The following ZNF155 variants were observed in gnomAD, a reference collection of about 807,000 sequenced individuals.
The protein encoded by ZNF155 is KRAB A domain.
Under a neutral mutation model 11.9 loss-of-function variants are expected in ZNF155, and 15 were observed. The observed-to-expected ratio is 1.26, with a 90% CI of 0.84 to 1.94. The LOEUF is 1.94. Ranked by LOEUF, ZNF155 falls within the 30% of genes most tolerant of loss-of-function variation. The pLI is 0.00. For synonymous variants in ZNF155, 212 were observed against 219.9 expected, an observed-to-expected ratio of 0.96 and a Z score of 0.32; for missense variants, 602 against 639.1, an observed-to-expected ratio of 0.94 and a Z score of 0.63.
At chr19:43,991,746 TTGAG>T in intron 3 of ZNF155, 72 bp downstream of exon 3, 1 of 1,607,884 alleles carries the variant, frequency 6.2e-7, no homozygotes. Flanking sequence ...GTGTTCAAGT[TTGAG>T]TGTGCATTGG....
chr19:43,985,494 C>T (rs558437533), intron 1 of ZNF155, among the ~76,000 whole-genome samples: 9 of 151,456 alleles, frequency 5.9e-5, no homozygotes, highest in Admixed American at 5.9e-4. Flanking sequence ...AATACATTTA[C>T]GCCACACCAT....
At chr19:43,985,064 A>G (rs1055118601) in intron 1 of ZNF155, among the ~76,000 whole-genome samples, 19 of 151,938 alleles carry the variant, frequency 1.3e-4, no homozygotes, top group South Asian at 8.3e-4. Context: ...TGTTTTTATT[A>G]TTGTTATTAT....
chr19:43,991,775 A>G, intron 3 of ZNF155, 67 bp from the exon 4 acceptor site: 1 of 1,605,464 alleles, frequency 6.2e-7, no homozygotes, highest in South Asian at 1.1e-5. Flanking sequence ...CTAAATAGCC[A>G]GTAAATTTTG....
At position 43,997,533 on chromosome 19, in the gene ZNF155, A is replaced by G; in HGVS notation, c.*59A>G. On this transcript the variant is annotated 3_prime_UTR_variant, in exon 5 of 5. Transcript: ENST00000270014. ...TAATGTGTGCATACAATTTATAGTG[A>G]TCCAATCAGTGTAATTGGTGTATCT... is the stretch of plus-strand genomic sequence containing the variant. 1 of 1,342,764 alleles carries G rather than the reference A, an allele frequency of 7.4e-7. No individual in the cohort carries two copies. Among genetic ancestry groups the G allele is most frequent in the South Asian group, 1.4e-5 (1 of 69,690 alleles). The allele number at this position is 1,342,764 out of a possible 1,614,324, so 83.2% of individuals were successfully genotyped here.
At chr19:43,993,652 G>C (rs1201185484) in intron 4 of ZNF155, among the ~76,000 whole-genome samples, 1 of 152,152 alleles carries the variant, frequency 6.6e-6, no homozygotes, top group African/African-American at 2.4e-5. Flanking sequence ...GACCTCAGGT[G>C]ATCCACCCGC....
rs1452265511 is a variant in ZNF155, at chr19:43,996,740, A to G, written c.883A>G (p.Lys295Glu). 2 of 1,614,198 alleles carry G rather than the reference A, an allele frequency of 1.2e-6. No individual in the cohort carries two copies. Among genetic ancestry groups the G allele is most frequent in the Non-Finnish European group, 1.7e-6 (2 of 1,180,010 alleles). ...ACCATTCAAATGTGATATATGTGGT[A>G]AGACCTTCTATTTTAGGTCAAGACT... ...EKPFKCDICG[K>E]TFYFRSRLKS... Residue 295 changes from lysine to glutamate, a missense_variant, in exon 5 of 5, where the codon AAG (lysine) becomes GAG (glutamate). Coordinates refer to ENST00000270014, the MANE Select transcript of ZNF155 (RefSeq NM_198089.3).
At chr19:43,990,655 C>T (rs1975625755) in intron 2 of ZNF155, among the ~76,000 whole-genome samples, 1 of 152,196 alleles carries the variant, frequency 6.6e-6, no homozygotes, top group African/African-American at 2.4e-5. Flanking sequence ...GAGTAGAGGA[C>T]ACACTACATA....
chr19:43,997,238 T>C lies in ZNF155; in HGVS notation c.1381T>C (p.Cys461Arg), dbSNP rs148988125. Residue 461 changes from cysteine to arginine, a missense_variant, in exon 5 of 5, where the codon TGT becomes CGT. Cys to Arg is a radical substitution (Grantham distance 180, BLOSUM62 -3). Coordinates refer to ENST00000270014, the MANE Select transcript of ZNF155 (RefSeq NM_198089.3). The stretch of plus-strand genomic sequence containing the variant: ...AGAGAGACCTTATAATTGTAAGGAA[T>C]GTGGGAAGAACTTTAGCCGGGCCTC... ...TGERPYNCKE[C>R]GKNFSRASSI... The C allele has an allele frequency of 1.9e-6, 3 of 1,614,126 alleles. No individual in the cohort carries two copies. The highest frequency in any genetic ancestry group is 1.3e-5 in the African/African-American group (1 of 75,022).
rs1975891887 is a variant in ZNF155, at chr19:43,996,829, CT to C, written c.975del (p.His326IlefsTer32). The C allele has an allele frequency of 1.2e-6, 2 of 1,613,980 alleles. No homozygotes were observed. The highest frequency in any genetic ancestry group is 1.3e-5 in the African/African-American group (1 of 74,974). Reference protein sequence around the residue: ...PFRCDTCDKSFHQRSALNRHC... With the variant: ...PFRCDTCDKSXHQRSALNRHC... ...TTAGGTGTGATACATGTGATAAGAG[CT>C]TTCATCAGAGATCAGCACTTAATAG... On this transcript the variant is annotated frameshift_variant, in exon 5 of 5. Transcript: ENST00000270014. LOFTEE classifies it low-confidence loss of function (END_TRUNC).
In ZNF155 at chr19:43,997,698, C is replaced by A. The variant is rs1457092263; in HGVS notation, c.*224C>A. ...TCTCATCCCCACATAACACAAAAAG[C>A]AGCCTGGGGAAGACAATCAAGCTAC... On this transcript the variant is annotated 3_prime_UTR_variant, in exon 5 of 5. Coordinates refer to ENST00000270014, the MANE Select transcript of ZNF155 (RefSeq NM_198089.3). 2.1e-5 allele frequency: 10 copies of A among 474,456 alleles called. No homozygotes were observed. Among genetic ancestry groups the A allele is most frequent in the Non-Finnish European group, 3.3e-5 (9 of 270,810 alleles). 29.4% of individuals were successfully genotyped at this position (474,456 alleles called of 1,614,324 possible).
chr19:43,992,169 C>G lies in ZNF155; in HGVS notation c.235+235C>G, dbSNP rs1271819574. ...TTCCTCTCCTCAAAAGCTTTTATAA[C>G]TTCTTATTTTTATTGATGTTACAAC... is the stretch of plus-strand genomic sequence containing the variant. On this transcript the variant is annotated intron_variant, in intron 4 of 4. Coordinates refer to ENST00000270014, the MANE Select transcript of ZNF155 (RefSeq NM_198089.3). 5.9e-5 allele frequency among the ~76,000 whole-genome samples: 9 copies of G among 152,274 alleles called. No individual in the cohort carries two copies. In the East Asian group the frequency reaches 1.5e-3, roughly 26 times the overall value.
At position 43,988,843 on chromosome 19, in the gene ZNF155, C is replaced by CT. The variant is rs2147378860; in HGVS notation, c.15+286dup. ...CTCTCAAATTATCTGTTTTTATCTT[C>CT]TCTGCTGTTCGTCATGTACATTTGT... On this transcript the variant is annotated intron_variant, in intron 2 of 4. Transcript: ENST00000270014. 9.6e-6 allele frequency: 3 copies of CT among 312,968 alleles called. No individual in the cohort carries two copies. In the East Asian group the frequency reaches 1.4e-4, roughly 15 times the overall value. The allele number at this position is 312,968 out of a possible 1,614,324, so 19.4% of individuals were successfully genotyped here.
rs555661912 is a variant in ZNF155 at position 43,993,070 on chromosome 19, T to C, written c.235+1136T>C. ...AAAGATTTACCCATCTGCAGCCCAT[T>C]TGCCTTTTCCAAAGTCTATATACAC... On this transcript the variant is annotated intron_variant, in intron 4 of 4. Coordinates refer to ENST00000270014, the MANE Select transcript of ZNF155 (RefSeq NM_198089.3). Among the ~76,000 whole-genome samples, 6 of 152,344 alleles carry C rather than the reference T, an allele frequency of 3.9e-5. No homozygotes were observed. In the South Asian group the frequency reaches 6.2e-4, roughly 16 times the overall value.
Position 43,988,439 on chromosome 19 carries a change from A to G in ZNF155, c.-85-20A>G. On this transcript the variant is annotated intron_variant, in intron 1 of 4. Coordinates refer to ENST00000270014, the MANE Select transcript of ZNF155 (RefSeq NM_198089.3). ...TCATTCATGGGCTAATTCACAACAC[A>G]CATCTCTCTTTTTCTGCAGACTGTG... 7.9e-7 allele frequency: 1 copy of G among 1,261,878 alleles called. No individual in the cohort carries two copies. The highest frequency in any genetic ancestry group is 1.6e-5 in the South Asian group (1 of 64,276). The allele number at this position is 1,261,878 out of a possible 1,614,324, so 78.2% of individuals were successfully genotyped here. A position where few individuals can be genotyped will look rare whatever the true frequency, so the allele number is the denominator to read the frequency against.
chr19:43,996,727 T>A lies in ZNF155; in HGVS notation c.870T>A (p.Cys290Ter). 1 of 1,614,078 alleles carries A rather than the reference T, an allele frequency of 6.2e-7. No homozygotes were observed. The highest frequency in any genetic ancestry group is 8.5e-7 in the Non-Finnish European group (1 of 1,179,996). The change falls in exon 5 of 5, where the codon TGT becomes TGA. Residue 290 changes from cysteine to a stop codon, truncating the protein, a stop_gained. Coordinates refer to ENST00000270014, the MANE Select transcript of ZNF155 (RefSeq NM_198089.3). LOFTEE classifies it low-confidence loss of function (END_TRUNC). ...RIHTGEKPFKCDICGKTFYFR... is the reference protein window; with the variant it reads ...RIHTGEKPFK ...ATACTGGGGAGAAACCATTCAAATG[T>A]GATATATGTGGTAAGACCTTCTATT... is the stretch of plus-strand genomic sequence containing the variant.
chr19:43,998,062 C>G lies in ZNF155; in HGVS notation c.*588C>G. On this transcript the variant is annotated 3_prime_UTR_variant, in exon 5 of 5. Coordinates refer to ENST00000270014, the MANE Select transcript of ZNF155 (RefSeq NM_198089.3). ...AAGCTGAATAGCCCTTAGGAATAAT[C>G]ACTTCAACTCCTGATTGGTCCCGGG... The G allele has an allele frequency of 6.6e-6, 1 of 151,650 alleles. No individual in the cohort carries two copies. The highest frequency in any genetic ancestry group is 1.9e-4 in the East Asian group (1 of 5,160). The allele number at this position is 151,650 out of a possible 1,614,324, so 9.4% of individuals were successfully genotyped here. A position where few individuals can be genotyped will look rare whatever the true frequency, so the allele number is the denominator to read the frequency against.
At chr19:43,985,051 G>A (rs140303686) in intron 1 of ZNF155, among the ~76,000 whole-genome samples, 315 of 152,260 alleles carry the variant, frequency 2.1e-3, no homozygotes, top group African/African-American at 7.1e-3. Context: ...TATTTTGTTA[G>A]TCTGTTTTTA....
At chr19:43,992,195 C>G (rs116905127) in intron 4 of ZNF155, among the ~76,000 whole-genome samples, 1 of 152,270 alleles carries the variant, frequency 6.6e-6, no homozygotes, top group Non-Finnish European at 1.5e-5. Flanking sequence ...ATGTTACAAC[C>G]TCTTTAAGTG....
At position 43,996,201 on chromosome 19, in the gene ZNF155, A is replaced by G. The variant is rs1179484851; in HGVS notation, c.344A>G (p.Gln115Arg). 1 of 1,614,176 alleles carries G rather than the reference A, an allele frequency of 6.2e-7. No individual in the cohort carries two copies. Among genetic ancestry groups the G allele is most frequent in the East Asian group, 2.2e-5 (1 of 44,888 alleles). ...ATTGCAAAAGACTTAACCAGGTCTC[A>G]GGACTCTATCATAAATAACTCTCAG... ...EQIAKDLTRS[Q>R]DSIINNSQFF... Residue 115 changes from glutamine (Q) to arginine (R), a missense_variant, in exon 5 of 5, where the codon CAG becomes CGG. Coordinates refer to ENST00000270014, the MANE Select transcript of ZNF155 (RefSeq NM_198089.3).
Sources: gnomAD v4.1 joint callset for allele counts (sites outside exome capture counted in the v4.1 genomes callset) on GRCh38, gnomAD v4.1.1 for gene constraint, MANE v1.5 for transcripts, NCBI Gene and HGNC (gene_info 2026-07-23, HGNC 2026-07-21) for gene names.